Variants in KCNN3 observed in about 807,000 individuals in gnomAD.
The protein encoded by KCNN3 is small conductance calcium-activated potassium channel protein 3.
Under a neutral mutation model 62.9 loss-of-function variants are expected in KCNN3, and 16 were observed. The ratio of observed to expected loss-of-function variants is 0.25; its 90% CI spans 0.17 to 0.39. The LOEUF is 0.39. Ranked by LOEUF, KCNN3 falls within the 10% of genes least tolerant of loss-of-function variation. The pLI, the probability that KCNN3 is intolerant of heterozygous loss-of-function variation, is 1.00. For synonymous variants in KCNN3, 370 were observed against 389.2 expected (o/e 0.95, Z 0.58); for missense variants, 599 against 949.4 (o/e 0.63, Z 4.85).
At chr1:154,749,878 C>A (rs1647280974) in intron 3 of KCNN3, among the ~76,000 whole-genome samples, 1 of 152,168 alleles carries the variant, frequency 6.6e-6, no homozygotes, top group Non-Finnish European at 1.5e-5. Flanking sequence ...TGCTCCCGGA[C>A]CACAAGCAGC....
In KCNN3 at chr1:154,702,876, C is replaced by T. The variant is rs1200002926; in HGVS notation, c.*5100G>A. ...GATGTGTCTCTTTTGCTTGTTTCAACACATAGCCCAGGCCCAAGATTACAG... is the reference window on the plus strand; with the variant it reads ...GATGTGTCTCTTTTGCTTGTTTCAATACATAGCCCAGGCCCAAGATTACAG... On this transcript the variant is annotated 3_prime_UTR_variant, in exon 8 of 8. Transcript: ENST00000271915. The T allele has an allele frequency of 6.6e-6, 1 of 151,284 alleles. No homozygotes were observed. The highest frequency in any genetic ancestry group is 1.5e-5 in the Non-Finnish European group (1 of 67,898). 9.4% of individuals were successfully genotyped at this position (151,284 alleles called of 1,614,324 possible).
chr1:154,784,388 C>T (rs1424671745), intron 2 of KCNN3, among the ~76,000 whole-genome samples: 1 of 152,214 alleles, frequency 6.6e-6, no homozygotes, highest in Non-Finnish European at 1.5e-5. Context: ...CTGCCACACC[C>T]GGTGTCTCAT....
chr1:154,869,120 C>T lies in KCNN3; in HGVS notation c.845G>A (p.Arg282Gln), dbSNP rs1262083332. ...AAAAATCAGAGCATAGTCACTCAGT[C>T]GCTTTCTCTTTTCAAACAGGGCCCT... ...HRRALFEKRK[R>Q]LSDYALIFGM... The change falls in exon 1 of 8, where the codon CGA (arginine) becomes CAA (glutamine). Residue 282 changes from arginine to glutamine, a missense_variant. By Grantham distance (43) the Arg-to-Gln change is conservative. Around this residue, in one of 7 missense-constraint regions of KCNN3, gnomAD observed 288 missense variants for 557.4 expected, o/e 0.52. Coordinates refer to ENST00000271915, the MANE Select transcript of KCNN3 (RefSeq NM_002249.6). The surrounding 1 kb of genome is among the most constrained non-coding windows in gnomAD (Gnocchi z 6.1). 1.9e-6 allele frequency: 3 copies of T among 1,614,158 alleles called. No individual in the cohort carries two copies. The highest frequency in any genetic ancestry group is 3.3e-5 in the Admixed American group (2 of 60,022).
At chr1:154,751,285 GT>G (rs1298445833) in intron 3 of KCNN3, among the ~76,000 whole-genome samples, 2 of 152,184 alleles carry the variant, frequency 1.3e-5, no homozygotes, top group African/African-American at 4.8e-5. Flanking sequence ...TAAGTCAGGT[GT>G]TTTTTTGGAT....
Position 154,869,203 on chromosome 1 carries a change from G to A in KCNN3, c.762C>T (p.Thr254=). 6 of 1,614,168 alleles carry A rather than the reference G, an allele frequency of 3.7e-6. No homozygotes were observed. Among genetic ancestry groups the A allele is most frequent in the Non-Finnish European group, 5.1e-6 (6 of 1,180,024 alleles). The change falls in exon 1 of 8, where the codon ACC becomes ACT. Residue 254 remains threonine, a synonymous_variant. Coordinates refer to ENST00000271915, the MANE Select transcript of KCNN3 (RefSeq NM_002249.6). The surrounding 1 kb of genome is among the most constrained non-coding windows in gnomAD (Gnocchi z 6.1). ...TTTTCCGCTTGTTGGCTTTGGGGAAGGTGGTGCTGCTGGCGGTGGTGCCGG... is the reference window on the plus strand; with the variant it reads ...TTTTCCGCTTGTTGGCTTTGGGGAAAGTGGTGCTGCTGGCGGTGGTGCCGG... ...QHAGTTASST[T]FPKANKRKNQ...
chr1:154,816,151 A>G (rs1294204798), intron 2 of KCNN3, among the ~76,000 whole-genome samples: 1 of 152,142 alleles, frequency 6.6e-6, no homozygotes, highest in African/African-American at 2.4e-5. Context: ...GGTCCCTTGT[A>G]TTTCAAATTC....
Position 154,771,419 on chromosome 1 carries a change from G to T in KCNN3, c.1448+556C>A, listed in dbSNP as rs558931441. ...GGTGACCTTGTTAAATGCAAATTCT[G>T]ATTCATTCATTCTGGGCTAAGGCCT... On this transcript the variant is annotated intron_variant, in intron 3 of 7. Coordinates refer to ENST00000271915, the MANE Select transcript of KCNN3 (RefSeq NM_002249.6). Among the ~76,000 whole-genome samples the T allele has an allele frequency of 2.6e-5, 4 of 152,330 alleles. No homozygotes were observed. In the South Asian group the frequency reaches 8.3e-4, roughly 32 times the overall value.
In KCNN3 at chr1:154,704,152, C is replaced by A. The variant is rs528689724; in HGVS notation, c.*3824G>T. 1.3e-5 allele frequency: 2 copies of A among 152,354 alleles called. No individual in the cohort carries two copies. The highest frequency in any genetic ancestry group is 3.9e-4 in the East Asian group (2 of 5,188). 9.4% of individuals were successfully genotyped at this position (152,354 alleles called of 1,614,324 possible). ...ATAAAAATAGCTTGTACATGCTCAGCGCTTGGAATTTACTTTTGCGTACAT... is the reference window on the plus strand; with the variant it reads ...ATAAAAATAGCTTGTACATGCTCAGAGCTTGGAATTTACTTTTGCGTACAT... On this transcript the variant is annotated 3_prime_UTR_variant, in exon 8 of 8. Transcript: ENST00000271915.
At chr1:154,714,236 G>GGTA (rs1700156467) in intron 6 of KCNN3, among the ~76,000 whole-genome samples, 3 of 8,266 alleles carry the variant, frequency 3.6e-4, no homozygotes, top group African/African-American at 1.3e-3. Flanking sequence ...TGTGGGGTGT[G>GGTA]TGCGGTGTGT....
intron 2 of KCNN3, among the ~76,000 whole-genome samples, chr1:154,782,273 C>A (rs1649083700): frequency 6.6e-6 from 1 of 152,220 alleles, no homozygotes; most frequent in South Asian, 2.1e-4. Flanking sequence ...AAACACACTG[C>A]CCACAGGTTA....
At chr1:154,787,646 C>A (rs1251902117) in intron 2 of KCNN3, among the ~76,000 whole-genome samples, 2 of 152,190 alleles carry the variant, frequency 1.3e-5, no homozygotes, top group African/African-American at 4.8e-5. Context: ...TGGATCCAGA[C>A]ACCTGGAGCT....
chr1:154,812,274 T>A (rs1650438010), intron 2 of KCNN3, among the ~76,000 whole-genome samples: 1 of 152,218 alleles, frequency 6.6e-6, no homozygotes, highest in Admixed American at 6.5e-5. Flanking sequence ...TCTTTTTTTT[T>A]ATACTTTAAG....
At chr1:154,751,436 G>A (rs1480087244) in intron 3 of KCNN3, among the ~76,000 whole-genome samples, 1 of 152,176 alleles carries the variant, frequency 6.6e-6, no homozygotes, top group Admixed American at 6.5e-5. Context: ...GCAAGAGTCA[G>A]CACCAGTGGA....
At chr1:154,741,611 T>C (rs1212583609) in intron 3 of KCNN3, among the ~76,000 whole-genome samples, 1 of 152,162 alleles carries the variant, frequency 6.6e-6, no homozygotes, top group Non-Finnish European at 1.5e-5. Context: ...CTGTGATCTG[T>C]TACAGCACTA....
intron 3 of KCNN3, among the ~76,000 whole-genome samples, chr1:154,751,310 C>A (rs924625897): frequency 2.6e-5 from 4 of 152,194 alleles, no homozygotes; most frequent in African/African-American, 4.8e-5. Context: ...ATTCTGTCCC[C>A]CTTCTCTCTC....
intron 1 of KCNN3, among the ~76,000 whole-genome samples, chr1:154,825,803 C>T (rs1319553120): frequency 6.6e-6 from 1 of 151,712 alleles, no homozygotes; most frequent in Admixed American, 6.6e-5. Flanking sequence ...AATCCCAGCA[C>T]TTTGGGAGGC....
At chr1:154,816,674 A>C (rs888502005) in intron 2 of KCNN3, among the ~76,000 whole-genome samples, 2 of 151,962 alleles carry the variant, frequency 1.3e-5, no homozygotes, top group African/African-American at 4.8e-5. Context: ...CTCCTGCCCC[A>C]GCTCTGGGCA....
At position 154,700,950 on chromosome 1, in the gene KCNN3, C is replaced by T. The variant is rs1048997023; in HGVS notation, c.*7026G>A. 2.3e-4 allele frequency: 35 copies of T among 151,914 alleles called. No individual in the cohort carries two copies. The highest frequency in any genetic ancestry group is 8.5e-4 in the African/African-American group (35 of 41,332). 9.4% of individuals were successfully genotyped at this position (151,914 alleles called of 1,614,324 possible). On this transcript the variant is annotated 3_prime_UTR_variant, in exon 8 of 8. Transcript: ENST00000271915. Reference sequence around the variant, plus strand: ...TTTCCATTATCCGGTGAGTAAGTAACCTGATAAAAACAAGTGCCCTGGAGT... The same window carrying T: ...TTTCCATTATCCGGTGAGTAAGTAATCTGATAAAAACAAGTGCCCTGGAGT...
intron 2 of KCNN3, among the ~76,000 whole-genome samples, chr1:154,815,387 C>T (rs1650620320): frequency 6.6e-6 from 1 of 152,160 alleles, no homozygotes; most frequent in Non-Finnish European, 1.5e-5. Context: ...AAGGTCTCTG[C>T]TCCTGGCGAA....
Sources: gnomAD v4.1 joint callset for allele counts (sites outside exome capture counted in the v4.1 genomes callset) on GRCh38, gnomAD v4.1.1 for gene constraint, gnomAD v4.1.1 regional missense constraint, Gnocchi (gnomAD v3.1) non-coding constraint, MANE v1.5 for transcripts, NCBI Gene and HGNC (gene_info 2026-07-23, HGNC 2026-07-21) for gene names.